Variants in LDB2 observed in about 807,000 individuals in gnomAD.
LDB2 encodes the protein LIM domain binding 2, also known as LIM domain-binding protein 2.
In LDB2, 12 loss-of-function variants were observed where a neutral mutation model predicts 44.3. That is an observed-to-expected ratio of 0.27 (90% CI 0.17 to 0.44). LDB2 has a LOEUF of 0.44. Among genes scored for constraint, LDB2 ranks in the 20% least tolerant of loss-of-function variants. The pLI is 1.00. For synonymous variants in LDB2, 164 were observed against 174.8 expected, an observed-to-expected ratio of 0.94 and a Z score of 0.49; for missense variants, 344 against 473.5, an observed-to-expected ratio of 0.73 and a Z score of 2.54.
chr4:16,866,258 C>T (rs1470922907), intron 1 of LDB2, among the ~76,000 whole-genome samples: 1 of 151,960 alleles, frequency 6.6e-6, no homozygotes, highest in Non-Finnish European at 1.5e-5. Flanking sequence ...AAGTAGCACA[C>T]CTCACTTATA....
At chr4:16,640,295 G>T (rs983831808) in intron 2 of LDB2, among the ~76,000 whole-genome samples, 5 of 152,208 alleles carry the variant, frequency 3.3e-5, no homozygotes, top group African/African-American at 1.2e-4. Flanking sequence ...GGTGAAGGAG[G>T]TGGGTAATAG....
intron 1 of LDB2, among the ~76,000 whole-genome samples, chr4:16,838,395 T>C (rs933119848): frequency 6.6e-6 from 1 of 152,164 alleles, no homozygotes; most frequent in African/African-American, 2.4e-5. Flanking sequence ...ACCATAGTTG[T>C]GTTGACATTT....
chr4:16,867,117 T>C lies in LDB2; in HGVS notation c.132+31237A>G, dbSNP rs117610035. The stretch of plus-strand genomic sequence containing the variant: ...ACCCAGCCTCCATGCTGTGGGGAAG[T>C]CCAAGGCACAGTCAGGAGCCAACAT... On this transcript the variant is annotated intron_variant, in intron 1 of 7. Coordinates refer to ENST00000304523, the MANE Select transcript of LDB2 (RefSeq NM_001290.5). Among the ~76,000 whole-genome samples, 143 of 152,150 alleles carry C rather than the reference T, an allele frequency of 9.4e-4. 2 individuals carry two copies. The East Asian group carries it at 0.026, about 27-fold the overall frequency.
intron 2 of LDB2, among the ~76,000 whole-genome samples, chr4:16,606,980 C>G (rs1204178818): frequency 6.6e-6 from 1 of 152,152 alleles, no homozygotes; most frequent in Non-Finnish European, 1.5e-5. Flanking sequence ...GTTAGCAATT[C>G]TAAGAGTGGT....
At chr4:16,809,559 G>A (rs1349337168) in intron 1 of LDB2, among the ~76,000 whole-genome samples, 2 of 152,152 alleles carry the variant, frequency 1.3e-5, no homozygotes, top group African/African-American at 2.4e-5. Context: ...GTATCAGGGA[G>A]TGGATTTCTG....
intron 2 of LDB2, among the ~76,000 whole-genome samples, chr4:16,640,952 C>A (rs1165367935): frequency 1.3e-5 from 2 of 152,170 alleles, no homozygotes; most frequent in East Asian, 3.9e-4. Context: ...TCAAATTTCA[C>A]TCTAGGCTTG....
In LDB2 at chr4:16,737,521, T is replaced by C. The variant is rs977718099; in HGVS notation, c.235+21637A>G. On this transcript the variant is annotated intron_variant, in intron 2 of 7. Transcript: ENST00000304523. ...ATGTTCATTAAGGCAAAATTAACTA[T>C]AGTATAAAAAACTAAGGCAAATAAT... Among the ~76,000 whole-genome samples, 18 of 152,310 alleles carry C rather than the reference T, an allele frequency of 1.2e-4. No homozygotes were observed. The East Asian group carries it at 3.1e-3, about 26-fold the overall frequency.
At chr4:16,804,169 G>A (rs111971399) in intron 1 of LDB2, among the ~76,000 whole-genome samples, 146 of 152,274 alleles carry the variant, frequency 9.6e-4, no homozygotes, top group African/African-American at 3.3e-3. Context: ...CCAGGCTGGA[G>A]TGCAGTGGCA....
intron 1 of LDB2, among the ~76,000 whole-genome samples, chr4:16,884,925 TAAGTA>T (rs559649007): frequency 1.0e-3 from 140 of 140,560 alleles, no homozygotes; most frequent in African/African-American, 4.2e-3. Context: ...ACACAGCCAC[TAAGTA>T]AAGAAAAAAA....
At chr4:16,741,868 G>A (rs980003102) in intron 2 of LDB2, among the ~76,000 whole-genome samples, 2 of 152,016 alleles carry the variant, frequency 1.3e-5, no homozygotes, top group African/African-American at 4.8e-5. Flanking sequence ...AGAATTTAAA[G>A]TCTAAATTAT....
chr4:16,640,977 A>G (rs146358246), intron 2 of LDB2, among the ~76,000 whole-genome samples: 6 of 152,330 alleles, frequency 3.9e-5, no homozygotes, highest in South Asian at 2.1e-4. Context: ...CCTTGTCCCC[A>G]TGATGATTAC....
At chr4:16,650,436 G>T (rs910133408) in intron 2 of LDB2, among the ~76,000 whole-genome samples, 1 of 151,906 alleles carries the variant, frequency 6.6e-6, no homozygotes, top group African/African-American at 2.4e-5. Flanking sequence ...CTATGTTTTG[G>T]GTTCCATGTT....
intron 1 of LDB2, among the ~76,000 whole-genome samples, chr4:16,774,351 A>T (rs956210213): frequency 8.5e-5 from 13 of 152,184 alleles, no homozygotes; most frequent in South Asian, 4.2e-4. Flanking sequence ...GCGTTTTTTT[A>T]AAAAATTAAT....
intron 1 of LDB2, among the ~76,000 whole-genome samples, chr4:16,898,146 T>C (rs1219863246): frequency 6.6e-6 from 1 of 151,696 alleles, no homozygotes. Context: ...TGTCTCAAGA[T>C]TCCGGCAGAA....
At chr4:16,813,174 T>C (rs1165143392) in intron 1 of LDB2, among the ~76,000 whole-genome samples, 3 of 151,976 alleles carry the variant, frequency 2.0e-5, no homozygotes, top group African/African-American at 4.8e-5. Flanking sequence ...TCAGTAGAGA[T>C]GGGGTTTCGC....
intron 1 of LDB2, among the ~76,000 whole-genome samples, chr4:16,883,384 G>A (rs182840072): frequency 3.9e-5 from 6 of 152,290 alleles, no homozygotes; most frequent in Non-Finnish European, 7.4e-5. Flanking sequence ...ATATTTCTCC[G>A]AGGCTTAAGT....
At position 16,845,979 on chromosome 4, in the gene LDB2, T is replaced by C. The variant is rs760358424; in HGVS notation, c.132+52375A>G. On this transcript the variant is annotated intron_variant, in intron 1 of 7. Transcript: ENST00000304523. The stretch of plus-strand genomic sequence containing the variant: ...AAAAAATTAGCCAGGCGTGGCAGCA[T>C]GCGCCTGTAGTCCCAGCTACTCAGG... Among the ~76,000 whole-genome samples, 4 of 152,036 alleles carry C rather than the reference T, an allele frequency of 2.6e-5. No homozygotes were observed. In the South Asian group the frequency reaches 6.3e-4, roughly 24 times the overall value.
At chr4:16,847,364 C>A (rs1257913995) in intron 1 of LDB2, among the ~76,000 whole-genome samples, 1 of 152,102 alleles carries the variant, frequency 6.6e-6, no homozygotes, top group Non-Finnish European at 1.5e-5. Context: ...CTGTTGGAAA[C>A]TCAGTGTTAA....
chr4:16,685,109 CTA>C (rs1266580525), intron 2 of LDB2, among the ~76,000 whole-genome samples: 1 of 152,150 alleles, frequency 6.6e-6, no homozygotes, highest in African/African-American at 2.4e-5. Context: ...TATTTTGGAG[CTA>C]TGTCTTTCAG....
Sources: gnomAD v4.1 joint callset for allele counts (sites outside exome capture counted in the v4.1 genomes callset) on GRCh38, gnomAD v4.1.1 for gene constraint, MANE v1.5 for transcripts, NCBI Gene and HGNC (gene_info 2026-07-23, HGNC 2026-07-21) for gene names.